Variants in CD28 observed in about 807,000 individuals in gnomAD.
The protein encoded by CD28 is CD28 molecule.
CD28 carries 8 observed loss-of-function variants against 21.4 expected under a neutral mutation model. The observed-to-expected ratio is 0.37, with a 90% CI of 0.22 to 0.68. The LOEUF is 0.68. Among genes scored for constraint, CD28 ranks in the 30% least tolerant of loss-of-function variants. CD28 has a pLI of 0.55. For missense variants in CD28, 239 were observed against 272.2 expected, an observed-to-expected ratio of 0.88 and a Z score of 0.86; for synonymous variants, 106 against 104.0, an observed-to-expected ratio of 1.02 and a Z score of -0.12.
At position 203,706,764 on chromosome 2, in the gene CD28, GTCTT is replaced by G; in HGVS notation, c.52+24_52+27del. 1 of 1,567,730 alleles carries G rather than the reference GTCTT, an allele frequency of 6.4e-7. No homozygotes were observed. Among genetic ancestry groups the G allele is most frequent in the South Asian group, 1.1e-5 (1 of 90,064 alleles). ...CAAGTAACAGGTAAACAATGTTAAT[GTCTT>G]TCTTTCTGTAAATATTTTTTGAGGT... On this transcript the variant is annotated intron_variant, in intron 1 of 3. Transcript: ENST00000324106.
At chr2:203,713,021 A>G (rs1202779168) in intron 1 of CD28, among the ~76,000 whole-genome samples, 2 of 152,164 alleles carry the variant, frequency 1.3e-5, no homozygotes, top group Admixed American at 1.3e-4. Flanking sequence ...GTAAATCCAG[A>G]TGGTCTTGCT....
At chr2:203,731,475 T>C (rs1197815239) in intron 3 of CD28, among the ~76,000 whole-genome samples, 1 of 152,234 alleles carries the variant, frequency 6.6e-6, no homozygotes, top group Non-Finnish European at 1.5e-5. Context: ...GCCCTTTGGA[T>C]ACCCCTCCAG....
intron 2 of CD28, among the ~76,000 whole-genome samples, chr2:203,729,411 C>T (rs1460807675): frequency 6.6e-6 from 1 of 152,160 alleles, no homozygotes; most frequent in Admixed American, 6.5e-5. Context: ...CAAGTGAATA[C>T]AAGTCTACCA....
In CD28 at chr2:203,734,928, A is replaced by G. The variant is rs202064511; in HGVS notation, c.*16A>G. On this transcript the variant is annotated 3_prime_UTR_variant, in exon 4 of 4. Coordinates refer to ENST00000324106, the MANE Select transcript of CD28 (RefSeq NM_006139.4). ...TCGCTCCTGACACGGACGCCTATCC[A>G]GAAGCCAGCCGGCTGGCAGCCCCCA... 1 of 1,612,650 alleles carries G rather than the reference A, an allele frequency of 6.2e-7. No homozygotes were observed.
rs1418230456 is a variant in CD28, at chr2:203,737,086, A to T, written c.*2174A>T. 6.6e-6 allele frequency: 1 copy of T among 152,216 alleles called. No homozygotes were observed. Among genetic ancestry groups the T allele is most frequent in the Admixed American group, 6.5e-5 (1 of 15,276 alleles). The allele number at this position is 152,216 out of a possible 1,614,324, so 9.4% of individuals were successfully genotyped here. ...TGTTTCTTGAAATAGTTTATCTTGTAATGAAATATAAGGCACCTCCCACTT... is the reference window on the plus strand; with the variant it reads ...TGTTTCTTGAAATAGTTTATCTTGTTATGAAATATAAGGCACCTCCCACTT... On this transcript the variant is annotated 3_prime_UTR_variant, in exon 4 of 4. Transcript: ENST00000324106.
rs950844647 is a variant in CD28, at chr2:203,737,197, A to G, written c.*2285A>G. 6.6e-6 allele frequency: 1 copy of G among 152,108 alleles called. No homozygotes were observed. Among genetic ancestry groups the G allele is most frequent in the Non-Finnish European group, 1.5e-5 (1 of 68,028 alleles). 9.4% of individuals were successfully genotyped at this position (152,108 alleles called of 1,614,324 possible). ...AATCTTGAGATTCCAGATCGAAAAT[A>G]CTGTACTTTGGTTGATTTTTAAGTG... is the stretch of plus-strand genomic sequence containing the variant. On this transcript the variant is annotated 3_prime_UTR_variant, in exon 4 of 4. Coordinates refer to ENST00000324106, the MANE Select transcript of CD28 (RefSeq NM_006139.4).
Position 203,735,231 on chromosome 2 carries a change from TCTCA to T in CD28, c.*325_*328del. 1 of 312,090 alleles carries T rather than the reference TCTCA, an allele frequency of 3.2e-6. No individual in the cohort carries two copies. Among genetic ancestry groups the T allele is most frequent in the South Asian group, 4.7e-5 (1 of 21,186 alleles). The allele number at this position is 312,090 out of a possible 1,614,324, so 19.3% of individuals were successfully genotyped here. ...GTGGATTCTGGGAGCCTCTTCCCTTTCTCACTCACCTGCACATCTCAGTCAAGCA... is the reference window on the plus strand; with the variant it reads ...GTGGATTCTGGGAGCCTCTTCCCTTTCTCACCTGCACATCTCAGTCAAGCA... On this transcript the variant is annotated 3_prime_UTR_variant, in exon 4 of 4. Coordinates refer to ENST00000324106, the MANE Select transcript of CD28 (RefSeq NM_006139.4).
Position 203,729,844 on chromosome 2 carries a change from G to T in CD28, c.534+72G>T, listed in dbSNP as rs543542564. The T allele has an allele frequency of 1.3e-5, 19 of 1,512,506 alleles. No homozygotes were observed. In the African/African-American group the frequency reaches 1.7e-4, roughly 13 times the overall value. 93.7% of individuals were successfully genotyped at this position (1,512,506 alleles called of 1,614,324 possible). On this transcript the variant is annotated intron_variant, in intron 3 of 3. Transcript: ENST00000324106. ...AAATCTGAACACATTCAAGAATTTT[G>T]CCTATGTGGTTTATTTTCTGTTTAA...
Position 203,726,752 on chromosome 2 carries a change from G to C in CD28, c.172G>C (p.Gly58Arg). The C allele has an allele frequency of 6.2e-7, 1 of 1,614,074 alleles. No individual in the cohort carries two copies. Among genetic ancestry groups the C allele is most frequent in the Middle Eastern group, 1.6e-4 (1 of 6,062 alleles). ...GGAGTTCCGGGCATCCCTTCACAAA[G>C]GACTGGATAGTGCTGTGGAAGTCTG... ...SREFRASLHKGLDSAVEVCVV... is the reference protein window; with the variant it reads ...SREFRASLHKRLDSAVEVCVV... The change falls in exon 2 of 4, where the codon GGA becomes CGA. Residue 58 changes from glycine to arginine, a missense_variant. This residue lies in a region of CD28 where 104 missense variants were observed against 108.5 expected (regional missense o/e 0.96). Coordinates refer to ENST00000324106, the MANE Select transcript of CD28 (RefSeq NM_006139.4).
intron 1 of CD28, among the ~76,000 whole-genome samples, chr2:203,711,861 T>C (rs1367919860): frequency 6.6e-6 from 1 of 152,170 alleles, no homozygotes; most frequent in Non-Finnish European, 1.5e-5. Flanking sequence ...ATTAAACCTC[T>C]CATATTTTAA....
chr2:203,711,920 G>T (rs1693323956), intron 1 of CD28, among the ~76,000 whole-genome samples: 1 of 152,156 alleles, frequency 6.6e-6, no homozygotes, highest in Non-Finnish European at 1.5e-5. Flanking sequence ...GGCCGGATAT[G>T]GTGCCTCACA....
chr2:203,712,197 C>A (rs3116483), intron 1 of CD28, among the ~76,000 whole-genome samples: 13,583 of 81,550 alleles, frequency 0.17, 647 homozygotes, highest in African/African-American at 0.2. Context: ...GTCTCAACAA[C>A]AACAAAAAAA....
intron 1 of CD28, among the ~76,000 whole-genome samples, chr2:203,722,828 C>T (rs1401700615): frequency 1.3e-5 from 2 of 152,178 alleles, no homozygotes; most frequent in Non-Finnish European, 2.9e-5. Flanking sequence ...TGCTCACAGT[C>T]TGTTCTTGGG....
At chr2:203,717,634 G>A (rs181132877) in intron 1 of CD28, among the ~76,000 whole-genome samples, 1 of 152,248 alleles carries the variant, frequency 6.6e-6, no homozygotes, top group African/African-American at 2.4e-5. Flanking sequence ...CTGTATCCAC[G>A]GGTTATGCAT....
rs1468909566 is a variant in CD28, at chr2:203,736,121, T to C, written c.*1209T>C. The C allele has an allele frequency of 6.6e-6, 1 of 152,664 alleles. No individual in the cohort carries two copies. The highest frequency in any genetic ancestry group is 6.5e-5 in the Admixed American group (1 of 15,280). 9.5% of individuals were successfully genotyped at this position (152,664 alleles called of 1,614,324 possible). ...TCAGACCAGGTAGGAGCTTTCCTGT[T>C]TCATATGTTTCAGGGTTGCACAGTT... On this transcript the variant is annotated 3_prime_UTR_variant, in exon 4 of 4. Coordinates refer to ENST00000324106, the MANE Select transcript of CD28 (RefSeq NM_006139.4).
At chr2:203,726,444 G>A (rs115670435) in intron 1 of CD28, among the ~76,000 whole-genome samples, 189 bp from the exon 2 acceptor site, 1,537 of 152,250 alleles carry the variant, frequency 0.01, 28 homozygotes, top group African/African-American at 0.035. Flanking sequence ...AAAAGAGGAT[G>A]AAAATAATAT....
intron 1 of CD28, among the ~76,000 whole-genome samples, chr2:203,708,891 G>A (rs569189505): frequency 6.1e-4 from 93 of 152,250 alleles, no homozygotes; most frequent in Non-Finnish European, 9.6e-4. Context: ...ACGCTGAGGC[G>A]GGTGGATCAC....
Position 203,735,192 on chromosome 2 carries a change from A to C in CD28, c.*280A>C, listed in dbSNP as rs911179223. The C allele has an allele frequency of 5.0e-6, 2 of 401,804 alleles. No homozygotes were observed. The highest frequency in any genetic ancestry group is 8.9e-6 in the Non-Finnish European group (2 of 225,234). The allele number at this position is 401,804 out of a possible 1,614,324, so 24.9% of individuals were successfully genotyped here. On this transcript the variant is annotated 3_prime_UTR_variant, in exon 4 of 4. Transcript: ENST00000324106. ...TGACTTGACTGAGAAGTTAGGGTAG[A>C]AAACAAAAAGGGAGTGGATTCTGGG... is the stretch of plus-strand genomic sequence containing the variant.
At chr2:203,721,940 C>T (rs897536505) in intron 1 of CD28, among the ~76,000 whole-genome samples, 2 of 152,136 alleles carry the variant, frequency 1.3e-5, no homozygotes, top group Non-Finnish European at 2.9e-5. Flanking sequence ...TCCTTCCTCT[C>T]TCTCCCTTCC....
Sources: allele counts gnomAD v4.1 joint callset (sites outside exome capture counted in the v4.1 genomes callset), GRCh38; gene constraint gnomAD v4.1.1; regional missense constraint gnomAD v4.1.1; transcripts MANE v1.5; gene names NCBI Gene and HGNC (gene_info 2026-07-23, HGNC 2026-07-21).